The following CHCHD6 variants were observed in gnomAD, a reference collection of about 807,000 sequenced individuals.
The protein encoded by CHCHD6 is MICOS complex subunit MIC25.
A neutral mutation model predicts 32.3 loss-of-function variants in CHCHD6; 28 were observed. That is an observed-to-expected ratio of 0.87 (90% CI 0.64 to 1.19). CHCHD6 has a LOEUF of 1.19. CHCHD6 is among the 50% of genes most tolerant of loss of function. CHCHD6 has a pLI of 0.00. For synonymous variants in CHCHD6, 122 were observed against 117.5 expected, an observed-to-expected ratio of 1.04 and a Z score of -0.25; for missense variants, 333 against 307.0, an observed-to-expected ratio of 1.08 and a Z score of -0.63.
chr3:126,839,365 C>T (rs947087862), intron 4 of CHCHD6, among the ~76,000 whole-genome samples: 2 of 152,206 alleles, frequency 1.3e-5, no homozygotes, highest in African/African-American at 4.8e-5. Context: ...AACACAAGAA[C>T]ATACCTATGC....
chr3:126,739,665 G>T (rs1295513685), intron 4 of CHCHD6, among the ~76,000 whole-genome samples: 1 of 152,186 alleles, frequency 6.6e-6, no homozygotes, highest in Non-Finnish European at 1.5e-5. Flanking sequence ...AGCCCAGTGG[G>T]CTGTATGGGA....
intron 4 of CHCHD6, among the ~76,000 whole-genome samples, chr3:126,815,776 C>T (rs1939870566): frequency 6.6e-6 from 1 of 152,042 alleles, no homozygotes; most frequent in South Asian, 2.1e-4. Context: ...GACTTTCCTA[C>T]ATTTCTGTGA....
At chr3:126,838,971 T>C (rs891393274) in intron 4 of CHCHD6, among the ~76,000 whole-genome samples, 2 of 151,632 alleles carry the variant, frequency 1.3e-5, no homozygotes, top group Admixed American at 1.3e-4. Flanking sequence ...TCACTGTGGC[T>C]TCCATCTCCT....
rs575774151 is a variant in CHCHD6, at chr3:126,759,321, T to C, written c.411+26099T>C. ...TAAATACCTGAATATGCATCTCATC[T>C]CCTTAAGAACAAGAACATTCTCCTG... On this transcript the variant is annotated intron_variant, in intron 4 of 7. Coordinates refer to ENST00000290913, the MANE Select transcript of CHCHD6 (RefSeq NM_032343.3). Among the ~76,000 whole-genome samples, 10 of 152,352 alleles carry C rather than the reference T, an allele frequency of 6.6e-5. No homozygotes were observed. In the South Asian group the frequency reaches 2.1e-3, roughly 32 times the overall value.
At chr3:126,750,781 T>G (rs565574186) in intron 4 of CHCHD6, among the ~76,000 whole-genome samples, 1 of 152,238 alleles carries the variant, frequency 6.6e-6, no homozygotes, top group Non-Finnish European at 1.5e-5. Context: ...AGCCAGCCCA[T>G]TAACACTGCC....
intron 6 of CHCHD6, among the ~76,000 whole-genome samples, chr3:126,919,257 T>G (rs1243074516): frequency 1.3e-5 from 2 of 152,026 alleles, no homozygotes; most frequent in Non-Finnish European, 2.9e-5. Context: ...ATTTACAGAT[T>G]TATTGTTTTT....
intron 4 of CHCHD6, among the ~76,000 whole-genome samples, chr3:126,802,734 A>C (rs1050612846): frequency 5.3e-5 from 8 of 152,330 alleles, no homozygotes; most frequent in Non-Finnish European, 1.0e-4. Context: ...ATACTCCTCG[A>C]GAAGAGCAAC....
intron 5 of CHCHD6, among the ~76,000 whole-genome samples, chr3:126,871,393 ACT>A (rs1471311102): frequency 6.6e-6 from 1 of 151,568 alleles, no homozygotes; most frequent in Admixed American, 6.6e-5. Context: ...CCCTTCCTGT[ACT>A]CTGTTAGGCA....
At chr3:126,794,891 G>C (rs1938719975) in intron 4 of CHCHD6, among the ~76,000 whole-genome samples, 1 of 152,150 alleles carries the variant, frequency 6.6e-6, no homozygotes, top group Non-Finnish European at 1.5e-5. Flanking sequence ...AACTACATCA[G>C]CAAACATTTG....
chr3:126,956,665 C>T (rs902220714), intron 6 of CHCHD6, among the ~76,000 whole-genome samples: 1 of 152,040 alleles, frequency 6.6e-6, no homozygotes, highest in African/African-American at 2.4e-5. Flanking sequence ...AAATTACGCT[C>T]AGGAGGCTGG....
At chr3:126,765,839 T>C (rs1488628697) in intron 4 of CHCHD6, among the ~76,000 whole-genome samples, 5 of 152,058 alleles carry the variant, frequency 3.3e-5, no homozygotes, top group Non-Finnish European at 7.4e-5. Context: ...CCAATCCCCC[T>C]CCAGGGGGAC....
At chr3:126,947,272 G>C (rs977337377) in intron 6 of CHCHD6, among the ~76,000 whole-genome samples, 18 of 152,238 alleles carry the variant, frequency 1.2e-4, no homozygotes, top group African/African-American at 4.3e-4. Flanking sequence ...GATGCTGCAG[G>C]CTGCCATGAG....
At chr3:126,734,994 T>C (rs951882997) in intron 4 of CHCHD6, among the ~76,000 whole-genome samples, 2 of 152,166 alleles carry the variant, frequency 1.3e-5, no homozygotes, top group Admixed American at 6.5e-5. Context: ...GAGGAATCGG[T>C]TGATGCAGTG....
chr3:126,776,055 C>T (rs1307544572), intron 4 of CHCHD6, among the ~76,000 whole-genome samples: 2 of 152,200 alleles, frequency 1.3e-5, no homozygotes, highest in Non-Finnish European at 2.9e-5. Flanking sequence ...TGATGATCGG[C>T]TCAGCTACCA....
At chr3:126,769,039 T>G (rs1177406160) in intron 4 of CHCHD6, among the ~76,000 whole-genome samples, 1 of 152,262 alleles carries the variant, frequency 6.6e-6, no homozygotes, top group African/African-American at 2.4e-5. Context: ...TTCTTTAGTT[T>G]AATTAGATTC....
At chr3:126,871,236 T>C (rs2077465967) in intron 5 of CHCHD6, among the ~76,000 whole-genome samples, 1 of 152,198 alleles carries the variant, frequency 6.6e-6, no homozygotes, top group East Asian at 1.9e-4. Context: ...CTATCCCTTC[T>C]TGTTTCTGTC....
At chr3:126,799,811 C>T (rs1553738529) in intron 4 of CHCHD6, among the ~76,000 whole-genome samples, 1 of 152,186 alleles carries the variant, frequency 6.6e-6, no homozygotes, top group Non-Finnish European at 1.5e-5. Context: ...AAAAAGAAGG[C>T]TGCGCCATCT....
chr3:126,781,467 A>G (rs910324368), intron 4 of CHCHD6, among the ~76,000 whole-genome samples: 2 of 152,230 alleles, frequency 1.3e-5, no homozygotes, highest in Admixed American at 1.3e-4. Context: ...TCTCCTGGAA[A>G]TGCATCCTCT....
At chr3:126,842,131 G>A (rs1308781829) in intron 4 of CHCHD6, among the ~76,000 whole-genome samples, 2 of 152,078 alleles carry the variant, frequency 1.3e-5, no homozygotes, top group Non-Finnish European at 2.9e-5. Context: ...GCATGCGCCT[G>A]TAGTACCAGC....
Sources: gnomAD v4.1 joint callset for allele counts (sites outside exome capture counted in the v4.1 genomes callset) on GRCh38, gnomAD v4.1.1 for gene constraint, MANE v1.5 for transcripts, NCBI Gene and HGNC (gene_info 2026-07-23, HGNC 2026-07-21) for gene names.